DBH: variants seen among roughly 807,000 people sequenced by gnomAD.
The protein encoded by DBH is dopamine beta-hydroxylase (dopamine beta-monooxygenase).
A neutral mutation model predicts 64.0 loss-of-function variants in DBH; 49 were observed. That is an observed-to-expected ratio of 0.77 (90% CI 0.61 to 0.97). The LOEUF (loss-of-function observed/expected upper bound fraction) is 0.97, where lower values mean the gene tolerates loss of function less well. DBH is among the 50% of genes least tolerant of loss of function. The probability of loss-of-function intolerance (pLI) is 0.00; values close to 1 mark genes in which losing one functional copy is unlikely to be tolerated. For synonymous variants in DBH, 343 were observed against 347.1 expected, an observed-to-expected ratio of 0.99 and a Z score of 0.13; for missense variants, 828 against 826.6, an observed-to-expected ratio of 1.00 and a Z score of -0.02.
rs148975018 is a variant in DBH, at chr9:133,659,284, T to G, written c.*837T>G. 978 of 152,360 alleles carry G rather than the reference T, an allele frequency of 6.4e-3. 12 individuals are homozygous for G. Among genetic ancestry groups the G allele is most frequent in the Middle Eastern group, 0.037 (11 of 294 alleles). The allele number at this position is 152,360 out of a possible 1,614,324, so 9.4% of individuals were successfully genotyped here. A position where few individuals can be genotyped will look rare whatever the true frequency, so the allele number is the denominator to read the frequency against. ...TTTCTCATCTGTAAAACCAGGCTGA[T>G]GCCGTGCGGGCTAATGAGCCAATAA... On this transcript the variant is annotated 3_prime_UTR_variant, in exon 12 of 12. Coordinates refer to ENST00000393056, the MANE Select transcript of DBH (RefSeq NM_000787.4).
chr9:133,652,509 G>A (rs1832263327), intron 8 of DBH, among the ~76,000 whole-genome samples: 1 of 151,888 alleles, frequency 6.6e-6, no homozygotes. Context: ...GAGCAGACAG[G>A]ACACTCCCAG....
rs739398 is a variant in DBH at position 133,651,448 on chromosome 9, C to A, written c.1192-186C>A. Among the ~76,000 whole-genome samples the A allele has an allele frequency of 0.4, 60,791 of 152,080 alleles. 13,500 individuals are homozygous for A. Among genetic ancestry groups the A allele is most frequent in the East Asian group, 0.85 (4,416 of 5,166 alleles). On this transcript the variant is annotated intron_variant, in intron 6 of 11. Coordinates refer to ENST00000393056, the MANE Select transcript of DBH (RefSeq NM_000787.4). ...TTGGGAGCTGGGGGCTGTTGCGGCC[C>A]CCTCGCTCTTCCCCGTGAGGTTTCT...
Position 133,653,038 on chromosome 9 carries a change from G to A in DBH, c.1434+39G>A, listed in dbSNP as rs199564993. 72 of 1,520,490 alleles carry A rather than the reference G, an allele frequency of 4.7e-5. No individual in the cohort carries two copies. The African/African-American group carries it at 5.2e-4, about 11-fold the overall frequency. 94.2% of individuals were successfully genotyped at this position (1,520,490 alleles called of 1,614,324 possible). On this transcript the variant is annotated intron_variant, in intron 9 of 11. Coordinates refer to ENST00000393056, the MANE Select transcript of DBH (RefSeq NM_000787.4). ...GCTTCCCCCTGCACCTGCCCAGGGC[G>A]AGTGTTCAGCCTGAGCCATCTGAGG... is the stretch of plus-strand genomic sequence containing the variant.
chr9:133,637,813 C>T (rs2131282131), intron 1 of DBH, among the ~76,000 whole-genome samples: 1 of 152,332 alleles, frequency 6.6e-6, no homozygotes, highest in African/African-American at 2.4e-5. Context: ...GGCTTAGGGC[C>T]ACCCAGGTAG....
Position 133,636,702 on chromosome 9 carries a change from T to C in DBH, c.331T>C (p.Tyr111His), listed in dbSNP as rs1413706408. ...GCTCTGGACCGATGGGGACACTGCC[T>C]ATTTTGCGGTGAGTCTCTCCTCCCT... ...VVLWTDGDTA[Y>H]FADAWSDQKG... Residue 111 changes from tyrosine (Y) to histidine (H), a missense_variant, in exon 1 of 12, where the codon TAT becomes CAT. By Grantham distance (83) the Tyr-to-His change is moderately conservative. Transcript: ENST00000393056. 2.5e-6 allele frequency: 4 copies of C among 1,601,992 alleles called. No individual in the cohort carries two copies. The African/African-American group carries it at 5.3e-5, about 21-fold the overall frequency.
chr9:133,647,661 C>T (rs1467044167), intron 5 of DBH, among the ~76,000 whole-genome samples, 185 bp from the exon 6 acceptor site: 4 of 152,216 alleles, frequency 2.6e-5, no homozygotes, highest in Admixed American at 6.5e-5. Context: ...AGCTGCCTGG[C>T]ATCCACAGGT....
chr9:133,644,756 A>G (rs2519151), intron 5 of DBH, among the ~76,000 whole-genome samples: 79,867 of 152,028 alleles, frequency 0.53, 21,993 homozygotes, highest in African/African-American at 0.65. Context: ...CGGCCTGGCC[A>G]GAGTGCAGGG....
rs1832200861 is a variant in DBH at position 133,647,851 on chromosome 9, A to C, written c.1030A>C (p.Asn344His). Reference protein sequence around the residue: ...YHNPLVIEGRNDSSGIRLYYT... With the variant: ...YHNPLVIEGRHDSSGIRLYYT... ...TCCATCCCACCTTCTCCCAGGACGA[A>C]ACGACTCCTCAGGCATCCGCTTGTA... Residue 344 changes from asparagine (N) to histidine (H), a missense_variant, in exon 6 of 12, where the codon AAC becomes CAC. Asn to His is a moderately conservative substitution (Grantham distance 68, BLOSUM62 1). Transcript: ENST00000393056. 4 of 1,614,106 alleles carry C rather than the reference A, an allele frequency of 2.5e-6. No individual in the cohort carries two copies. Among genetic ancestry groups the C allele is most frequent in the African/African-American group, 1.3e-5 (1 of 75,030 alleles).
rs926076436 is a variant in DBH at position 133,652,351 on chromosome 9, G to A, written c.1374+67G>A. ...GCTGGGGTGGCTGAGAGGGCTGGGG[G>A]TGCCACCAGAAGGAGAGGGACACAG... On this transcript the variant is annotated intron_variant, in intron 8 of 11. Transcript: ENST00000393056. The A allele has an allele frequency of 7.7e-5, 121 of 1,568,726 alleles. No individual in the cohort carries two copies. In the Admixed American group the frequency reaches 2.0e-3, roughly 26 times the overall value.
chr9:133,637,411 G>A (rs893099282), intron 1 of DBH, among the ~76,000 whole-genome samples: 2 of 152,326 alleles, frequency 1.3e-5, no homozygotes, highest in Middle Eastern at 3.4e-3. Flanking sequence ...GGGGGTCCCC[G>A]AAGTGGGCGA....
In DBH at chr9:133,652,228, C is replaced by T. The variant is rs369274554; in HGVS notation, c.1336-18C>T. The T allele has an allele frequency of 1.5e-4, 248 of 1,613,676 alleles. No individual in the cohort carries two copies. The highest frequency in any genetic ancestry group is 2.4e-4 in the South Asian group (22 of 91,086). On this transcript the variant is annotated intron_variant, in intron 7 of 11. Coordinates refer to ENST00000393056, the MANE Select transcript of DBH (RefSeq NM_000787.4). ...CTGAGGTCTCCTCTCCCCCACCCCT[C>T]GGCTCTGCCTGCCCCAGGAGATCCG...
intron 9 of DBH, chr9:133,654,497 C>T (rs900829791): frequency 6.6e-6 from 1 of 152,264 alleles, no homozygotes; most frequent in Non-Finnish European, 1.5e-5. Context: ...TTGTGCCTCA[C>T]AGCTGTTACC....
At chr9:133,656,432 A>G in intron 9 of DBH, 91 bp from the exon 10 acceptor site, 3 of 1,565,888 alleles carry the variant, frequency 1.9e-6, no homozygotes, top group Non-Finnish European at 2.6e-6. Flanking sequence ...AGACGAGTGG[A>G]CGCAGTGTAC....
intron 5 of DBH, among the ~76,000 whole-genome samples, chr9:133,644,920 A>G (rs1333448814): frequency 6.6e-6 from 1 of 150,482 alleles, no homozygotes; most frequent in Non-Finnish European, 1.5e-5. Context: ...ATCTTTCACC[A>G]TATATAGACA....
chr9:133,648,705 C>T (rs1263808481), intron 6 of DBH, among the ~76,000 whole-genome samples: 2 of 152,352 alleles, frequency 1.3e-5, no homozygotes, highest in East Asian at 3.9e-4. Flanking sequence ...GGCGCTTAGA[C>T]TGGCGCCAAC....
Position 133,636,367 on chromosome 9 carries a change from C to A in DBH, c.-5C>A, listed in dbSNP as rs868839518. 1.9e-6 allele frequency: 3 copies of A among 1,607,028 alleles called. No individual in the cohort carries two copies. Among genetic ancestry groups the A allele is most frequent in the Non-Finnish European group, 2.5e-6 (3 of 1,179,872 alleles). ...CCAGGTGGGACCAGAGAGCTCACCCCAGCCATGCCCGCCCTCAGTCGCTGG... is the reference window on the plus strand; with the variant it reads ...CCAGGTGGGACCAGAGAGCTCACCCAAGCCATGCCCGCCCTCAGTCGCTGG... On this transcript the variant is annotated 5_prime_UTR_variant, in exon 1 of 12. Coordinates refer to ENST00000393056, the MANE Select transcript of DBH (RefSeq NM_000787.4).
Position 133,643,727 on chromosome 9 carries a change from C to T in DBH, c.921+138C>T. On this transcript the variant is annotated intron_variant, in intron 4 of 11. Transcript: ENST00000393056. This position sits in a 1 kb window ranked among gnomAD's most constrained non-coding sequence, Gnocchi z 5.3. Reference sequence around the variant, plus strand: ...GGGCTCACGAGGCCACCAGAAGGGCCAGGCCTGAGGTGGCCCCCTCGCCTC... The same window carrying T: ...GGGCTCACGAGGCCACCAGAAGGGCTAGGCCTGAGGTGGCCCCCTCGCCTC... The T allele has an allele frequency of 2.1e-6, 2 of 966,898 alleles. No individual in the cohort carries two copies. Among genetic ancestry groups the T allele is most frequent in the Non-Finnish European group, 3.1e-6 (2 of 649,558 alleles). 59.9% of individuals were successfully genotyped at this position (966,898 alleles called of 1,614,324 possible).
At chr9:133,657,437 A>G (rs1309414231) in intron 11 of DBH, 2 of 475,526 alleles carry the variant, frequency 4.2e-6, no homozygotes, top group Admixed American at 3.1e-5. Context: ...GAGAGAGGAG[A>G]GAGAGGAGAG....
intron 6 of DBH, 37 bp downstream of exon 6, chr9:133,648,049 C>A: frequency 6.3e-7 from 1 of 1,589,404 alleles, no homozygotes. Flanking sequence ...ACCCTCCCTC[C>A]TCCCGCGTCC....
Sources: gnomAD v4.1 joint callset for allele counts (sites outside exome capture counted in the v4.1 genomes callset) on GRCh38, gnomAD v4.1.1 for gene constraint, Gnocchi (gnomAD v3.1) non-coding constraint, MANE v1.5 for transcripts, NCBI Gene and HGNC (gene_info 2026-07-23, HGNC 2026-07-21) for gene names.